Variants in CFHR2 observed in about 807,000 individuals in gnomAD.
CFHR2 encodes complement factor H-related protein 2.
Under a neutral mutation model 21.7 loss-of-function variants are expected in CFHR2, and 22 were observed. The ratio of observed to expected loss-of-function variants is 1.01; its 90% CI spans 0.72 to 1.45. The LOEUF is 1.45. CFHR2 is among the 40% of genes most tolerant of loss of function. The pLI, the probability that CFHR2 is intolerant of heterozygous loss-of-function variation, is 0.00. For missense variants in CFHR2, 294 were observed against 293.3 expected (o/e 1.00, Z -0.02); for synonymous variants, 98 against 97.4 (o/e 1.01, Z -0.04).
chr1:196,956,402 T>C (rs1652881406), intron 3 of CFHR2, among the ~76,000 whole-genome samples: 1 of 152,246 alleles, frequency 6.6e-6, no homozygotes, highest in African/African-American at 2.4e-5. Context: ...TCACTATTAG[T>C]TTATGCCTTA....
At chr1:196,951,572 CTGTGTGAACTCT>C (rs918968033) in intron 3 of CFHR2, among the ~76,000 whole-genome samples, 1 of 152,104 alleles carries the variant, frequency 6.6e-6, no homozygotes, top group Non-Finnish European at 1.5e-5. Context: ...CCTCCCAGTC[CTGTGTGAACTCT>C]TGCAATTCTT....
At position 196,949,628 on chromosome 1, in the gene CFHR2, T is replaced by A. The variant is rs1376711083; in HGVS notation, c.232T>A (p.Ser78Thr). Residue 78 changes from serine (S) to threonine (T), a missense_variant, in exon 2 of 5, where the codon TCA (serine) becomes ACA (threonine). Transcript: ENST00000367415. The part of the protein sequence containing the change: ...TRITCAEEGW[S>T]PTPKCLRLCF... ...CATAACGTGCGCAGAAGAAGGATGG[T>A]CACCAACACCAAAGTGTCTCAGTGA... 6.2e-7 allele frequency: 1 copy of A among 1,613,788 alleles called. No individual in the cohort carries two copies. Among genetic ancestry groups the A allele is most frequent in the Admixed American group, 1.7e-5 (1 of 59,958 alleles).
intron 2 of CFHR2, among the ~76,000 whole-genome samples, chr1:196,949,978 T>G (rs972705715): frequency 2.0e-5 from 3 of 152,254 alleles, no homozygotes; most frequent in Non-Finnish European, 4.4e-5. Flanking sequence ...AAATGTCATT[T>G]TATACATATT....
intron 2 of CFHR2, among the ~76,000 whole-genome samples, chr1:196,949,904 T>C (rs991206810): frequency 3.9e-4 from 60 of 152,372 alleles, no homozygotes; most frequent in Non-Finnish European, 8.1e-4. Context: ...GATTAATATA[T>C]TTGACTGCTA....
chr1:196,957,965 G>T lies in CFHR2; in HGVS notation c.505G>T (p.Ala169Ser). 6.2e-7 allele frequency: 1 copy of T among 1,613,606 alleles called. No homozygotes were observed. Among genetic ancestry groups the T allele is most frequent in the Non-Finnish European group, 8.5e-7 (1 of 1,179,700 alleles). Residue 169 changes from alanine to serine, a missense_variant, in exon 4 of 5, where the codon GCT (alanine) becomes TCT (serine). Transcript: ENST00000367415. ...DITSFLLSVY[A>S]PGSSVEYQCQ... ...TACTTCATTCCTGTTGTCAGTATATGCTCCAGGTTCATCAGTTGAGTACCA... is the reference window on the plus strand; with the variant it reads ...TACTTCATTCCTGTTGTCAGTATATTCTCCAGGTTCATCAGTTGAGTACCA...
At position 196,952,100 on chromosome 1, in the gene CFHR2, AC is replaced by A. The variant is rs202246119; in HGVS notation, c.430+1074del. Among the ~76,000 whole-genome samples the A allele has an allele frequency of 1.1e-4, 16 of 152,240 alleles. No homozygotes were observed. In the East Asian group the frequency reaches 3.1e-3, roughly 29 times the overall value. ...GTTATGTTATCAAATATTATTCCAC[AC>A]CTTTAATTCTTAATTTTAAACCTCT... On this transcript the variant is annotated intron_variant, in intron 3 of 4. Transcript: ENST00000367415.
intron 3 of CFHR2, among the ~76,000 whole-genome samples, chr1:196,953,318 T>C (rs1302037951): frequency 1.3e-5 from 2 of 152,148 alleles, no homozygotes; most frequent in Admixed American, 1.3e-4. Flanking sequence ...AGTCTCACTG[T>C]GTTGCCCAGG....
intron 1 of CFHR2, among the ~76,000 whole-genome samples, chr1:196,948,971 C>A (rs1305485159): frequency 6.6e-6 from 1 of 151,952 alleles, no homozygotes; most frequent in Non-Finnish European, 1.5e-5. Flanking sequence ...AATAAACAAA[C>A]AACAAAACTA....
chr1:196,958,393 A>AGTGTGTGTGT lies in CFHR2; in HGVS notation c.613+334_613+343dup, dbSNP rs111351996. ...CCACCTATGGTTACCATTGTGTGTA[A>AGTGTGTGTGT]GTGTGTGTGTGTGTGTGTGTGTGAG... On this transcript the variant is annotated intron_variant, in intron 4 of 4. Transcript: ENST00000367415. Among the ~76,000 whole-genome samples, 77 of 148,624 alleles carry AGTGTGTGTGT rather than the reference A, an allele frequency of 5.2e-4. 2 individuals carry two copies. Among genetic ancestry groups the AGTGTGTGTGT allele is most frequent in the African/African-American group, 1.9e-3 (76 of 40,800 alleles).
intron 1 of CFHR2, among the ~76,000 whole-genome samples, chr1:196,947,954 G>T (rs186303344): frequency 6.6e-6 from 1 of 152,162 alleles, no homozygotes; most frequent in African/African-American, 2.4e-5. Context: ...ACTCAATTTT[G>T]CTGTGAAAAA....
rs9427933 is a variant in CFHR2 at position 196,953,228 on chromosome 1, C to T, written c.430+2200C>T. On this transcript the variant is annotated intron_variant, in intron 3 of 4. Coordinates refer to ENST00000367415, the MANE Select transcript of CFHR2 (RefSeq NM_005666.4). ...TATATGAATAAAGCAGCTGGGAAAC[C>T]CTACATCAGCCAAGATTATTTATTT... 6.5e-3 allele frequency among the ~76,000 whole-genome samples: 981 copies of T among 152,000 alleles called. 10 individuals carry two copies. Among genetic ancestry groups the T allele is most frequent in the African/African-American group, 0.022 (912 of 41,452 alleles).
intron 3 of CFHR2, among the ~76,000 whole-genome samples, chr1:196,951,549 A>G (rs1197629314): frequency 6.6e-6 from 1 of 152,180 alleles, no homozygotes; most frequent in Non-Finnish European, 1.5e-5. Context: ...AACCTGTGGT[A>G]TAAATGATGG....
chr1:196,957,460 G>A (rs746820865), intron 3 of CFHR2, among the ~76,000 whole-genome samples: 1 of 149,458 alleles, frequency 6.7e-6, no homozygotes, highest in African/African-American at 2.5e-5. Context: ...TTCCCTTTTA[G>A]TTTCTATTAA....
In CFHR2 at chr1:196,951,027, T is replaced by A. The variant is rs1217237935; in HGVS notation, c.429T>A (p.Thr143=). The change falls in exon 3 of 5, where the codon ACT becomes ACA. Residue 143 remains threonine (T), a splice_region_variant and synonymous_variant. Transcript: ENST00000367415. ...GWSTPPKCRS[T]ISAEKCGPPP... ...CCACTCCTCCCAAATGCAGGTCCAC[T>A]AGTAAGTGCAATGTTGTTCTCTCAG... 1.9e-6 allele frequency: 3 copies of A among 1,614,062 alleles called. No individual in the cohort carries two copies. Among genetic ancestry groups the A allele is most frequent in the Non-Finnish European group, 2.5e-6 (3 of 1,179,962 alleles).
chr1:196,957,274 T>C (rs954980575), intron 3 of CFHR2, among the ~76,000 whole-genome samples: 6 of 152,026 alleles, frequency 3.9e-5, no homozygotes, highest in African/African-American at 1.4e-4. Flanking sequence ...TGCTGTGTCA[T>C]TCCTTGAGTC....
At chr1:196,957,259 C>A (rs370214168) in intron 3 of CFHR2, among the ~76,000 whole-genome samples, 1 of 151,998 alleles carries the variant, frequency 6.6e-6, no homozygotes, top group Non-Finnish European at 1.5e-5. Flanking sequence ...ACCCACATGA[C>A]ACCCTGCTGT....
chr1:196,957,366 G>C, intron 3 of CFHR2, among the ~76,000 whole-genome samples: 1 of 104,016 alleles, frequency 9.6e-6, no homozygotes, highest in South Asian at 3.2e-4. Flanking sequence ...TTTTTACTTT[G>C]TGTTCAAAAT....
intron 1 of CFHR2, 28 bp from the exon 2 acceptor site, chr1:196,949,427 A>C: frequency 6.3e-7 from 1 of 1,577,732 alleles, no homozygotes; most frequent in Non-Finnish European, 8.7e-7. Flanking sequence ...TTATTATGTA[A>C]TTCTTCAGTT....
chr1:196,954,184 G>A (rs944266696), intron 3 of CFHR2, among the ~76,000 whole-genome samples: 6 of 152,178 alleles, frequency 3.9e-5, no homozygotes, highest in African/African-American at 1.4e-4. Flanking sequence ...GCCCATATGG[G>A]CGAAATTGGC....
Sources: allele counts gnomAD v4.1 joint callset (sites outside exome capture counted in the v4.1 genomes callset), GRCh38; gene constraint gnomAD v4.1.1; transcripts MANE v1.5; gene names NCBI Gene and HGNC (gene_info 2026-07-23, HGNC 2026-07-21).